The following PACSIN2 variants were observed in gnomAD, a reference collection of about 807,000 sequenced individuals.
PACSIN2 encodes the protein protein kinase C and casein kinase substrate in neurons protein 2.
Under a neutral mutation model 63.8 loss-of-function variants are expected in PACSIN2, and 25 were observed. The ratio of observed to expected loss-of-function variants is 0.39; its 90% CI spans 0.29 to 0.55. The LOEUF is 0.55. PACSIN2 is among the 20% of genes least tolerant of loss of function. The pLI is 0.62. For missense variants in PACSIN2, 518 were observed against 646.9 expected, an observed-to-expected ratio of 0.80 and a Z score of 2.16; for synonymous variants, 255 against 256.2, an observed-to-expected ratio of 1.00 and a Z score of 0.05.
At chr22:42,995,858 G>A (rs915161514) in intron 1 of PACSIN2, among the ~76,000 whole-genome samples, 1 of 152,182 alleles carries the variant, frequency 6.6e-6, no homozygotes, top group African/African-American at 2.4e-5. Context: ...GAAGCCAGGA[G>A]TTCAAGACCA....
chr22:42,940,117 C>CTG (rs1933086449), intron 1 of PACSIN2, among the ~76,000 whole-genome samples: 1 of 152,230 alleles, frequency 6.6e-6, no homozygotes, highest in Non-Finnish European at 1.5e-5. Context: ...ACAATGCTTG[C>CTG]TATCAGCTCC....
chr22:42,960,445 G>C (rs959774106), intron 1 of PACSIN2, among the ~76,000 whole-genome samples: 27 of 152,270 alleles, frequency 1.8e-4, no homozygotes, highest in African/African-American at 6.3e-4. Flanking sequence ...GTGACCCCAT[G>C]GTCTCTCAGC....
chr22:42,911,245 G>C (rs1931435420), intron 2 of PACSIN2, among the ~76,000 whole-genome samples: 2 of 151,758 alleles, frequency 1.3e-5, no homozygotes, highest in Non-Finnish European at 2.9e-5. Flanking sequence ...AGCTCCAGGG[G>C]TTTTGCCACA....
chr22:42,893,444 CG>C lies in PACSIN2; in HGVS notation c.217+12del. The C allele has an allele frequency of 6.2e-7, 1 of 1,609,480 alleles. No homozygotes were observed. The highest frequency in any genetic ancestry group is 8.5e-7 in the Non-Finnish European group (1 of 1,179,804). On this transcript the variant is annotated intron_variant, in intron 3 of 10. Transcript: ENST00000263246. ...TGCCTCCAGGCCACAGGACCTGTGC[CG>C]GGGCCCCATACCTTTCTCCACGAGC...
chr22:42,927,572 TTTAG>T lies in PACSIN2; in HGVS notation c.-77-15419_-77-15416del, dbSNP rs530906386. On this transcript the variant is annotated intron_variant, in intron 1 of 10. Coordinates refer to ENST00000263246, the MANE Select transcript of PACSIN2 (RefSeq NM_001184970.3). ...CCCCAGTCTTTTATTTATTTATTTATTTAGTTATTTAGTTATTTAGTTAGTTATT... is the reference window on the plus strand; with the variant it reads ...CCCCAGTCTTTTATTTATTTATTTATTTATTTAGTTATTTAGTTAGTTATT... Among the ~76,000 whole-genome samples the T allele has an allele frequency of 2.0e-3, 293 of 149,540 alleles. 1 individual carries two copies. The highest frequency in any genetic ancestry group is 3.5e-3 in the Middle Eastern group (1 of 286).
chr22:42,888,845 G>A (rs1929688530), intron 4 of PACSIN2, 47 bp from the exon 5 acceptor site: 1 of 1,593,822 alleles, frequency 6.3e-7, no homozygotes, highest in Non-Finnish European at 8.6e-7. Context: ...GGGAGTTCAG[G>A]ATCCTCACTA....
At chr22:42,934,022 T>TA (rs1202410390) in intron 1 of PACSIN2, among the ~76,000 whole-genome samples, 1 of 152,220 alleles carries the variant, frequency 6.6e-6, no homozygotes, top group Non-Finnish European at 1.5e-5. Flanking sequence ...CTCAAATACT[T>TA]ACAAGAACAG....
chr22:42,935,665 G>A (rs545928575), intron 1 of PACSIN2, among the ~76,000 whole-genome samples: 1 of 152,196 alleles, frequency 6.6e-6, no homozygotes, highest in Admixed American at 6.5e-5. Flanking sequence ...TACTGGCTTC[G>A]AGGAAAAAGT....
chr22:42,919,533 G>A (rs887206665), intron 1 of PACSIN2, among the ~76,000 whole-genome samples: 1 of 152,052 alleles, frequency 6.6e-6, no homozygotes, highest in Admixed American at 6.5e-5. Context: ...CCAGCACTTC[G>A]GGAGGCTGAG....
At chr22:42,947,671 G>A (rs561790789) in intron 1 of PACSIN2, among the ~76,000 whole-genome samples, 8 of 142,018 alleles carry the variant, frequency 5.6e-5, no homozygotes, top group Middle Eastern at 3.6e-3. Context: ...AAGACCCCTG[G>A]GGGTGGGGGG....
Position 42,876,894 on chromosome 22 carries a change from G to A in PACSIN2, c.1145C>T (p.Ala382Val). The part of the protein sequence containing the change: ...STVSEKDDTK[A>V]KNVSSYEKTQ... ...GAAGCATTTGTTCACCAACTTTTTG[G>A]CCTTAGTGTCGTCCTTCTCACTGAC... The change falls in exon 9 of 11, where the codon GCC becomes GTC. Residue 382 changes from alanine to valine, a missense_variant. This residue lies in a region of PACSIN2 where 507 missense variants were observed against 612.3 expected (regional missense o/e 0.83). Coordinates refer to ENST00000263246, the MANE Select transcript of PACSIN2 (RefSeq NM_001184970.3). 1 of 1,614,178 alleles carries A rather than the reference G, an allele frequency of 6.2e-7. No individual in the cohort carries two copies. The highest frequency in any genetic ancestry group is 8.5e-7 in the Non-Finnish European group (1 of 1,180,030).
At chr22:42,929,505 G>A (rs530378549) in intron 1 of PACSIN2, among the ~76,000 whole-genome samples, 12 of 152,318 alleles carry the variant, frequency 7.9e-5, no homozygotes, top group East Asian at 1.9e-4. Flanking sequence ...TGGGAGTGGC[G>A]TGCCTACGAA....
chr22:42,916,408 T>C (rs1337311849), intron 1 of PACSIN2, among the ~76,000 whole-genome samples: 1 of 898 alleles, frequency 1.1e-3, no homozygotes, highest in Admixed American at 0.013. Flanking sequence ...GGGGTGGGGG[T>C]GGGGATGGGG....
intron 1 of PACSIN2, among the ~76,000 whole-genome samples, chr22:42,925,245 CGAGGCTGGCGGATCACTTGAGGTCAG>C (rs1401475279): frequency 6.6e-6 from 1 of 151,916 alleles, no homozygotes; most frequent in Non-Finnish European, 1.5e-5. Flanking sequence ...TTTGGGCGGC[CGAGGCTGGCGGATCACTTGAGGTCAG>C]GAGTTTAAGA....
chr22:43,012,006 G>A (rs552719594), intron 1 of PACSIN2, among the ~76,000 whole-genome samples: 85 of 152,216 alleles, frequency 5.6e-4, no homozygotes, highest in Non-Finnish European at 6.6e-4. Context: ...TTAGCCAGGC[G>A]TGGTGGTGGA....
intron 1 of PACSIN2, among the ~76,000 whole-genome samples, chr22:42,948,224 G>C (rs1296703977): frequency 6.6e-6 from 1 of 152,138 alleles, no homozygotes; most frequent in Non-Finnish European, 1.5e-5. Context: ...GGAGGGGAGA[G>C]GGGACTGACA....
chr22:42,971,957 G>A (rs1048221161), intron 1 of PACSIN2, among the ~76,000 whole-genome samples: 55 of 151,790 alleles, frequency 3.6e-4, no homozygotes, highest in African/African-American at 5.8e-4. Flanking sequence ...CGGCCGCCCC[G>A]TCTGGGAGGT....
chr22:42,957,531 G>C (rs1009383796), intron 1 of PACSIN2, among the ~76,000 whole-genome samples: 1 of 152,186 alleles, frequency 6.6e-6, no homozygotes, highest in Non-Finnish European at 1.5e-5. Context: ...CTGAATTTCA[G>C]AGGATTCAAA....
chr22:42,909,701 T>C lies in PACSIN2; in HGVS notation c.60+2320A>G, dbSNP rs1035325057. On this transcript the variant is annotated intron_variant, in intron 2 of 10. Transcript: ENST00000263246. ...ACAGGGAGCATAAGAGCTTAATTACTGGACTTGTTAAAGCTAGTTGATTTA... is the reference window on the plus strand; with the variant it reads ...ACAGGGAGCATAAGAGCTTAATTACCGGACTTGTTAAAGCTAGTTGATTTA... The C allele has an allele frequency of 4.4e-5, 18 of 409,580 alleles. No individual in the cohort carries two copies. In the East Asian group the frequency reaches 1.1e-3, roughly 26 times the overall value. 25.4% of individuals were successfully genotyped at this position (409,580 alleles called of 1,614,324 possible). A position where few individuals can be genotyped will look rare whatever the true frequency, so the allele number is the denominator to read the frequency against.
Sources: gnomAD v4.1 joint callset for allele counts (sites outside exome capture counted in the v4.1 genomes callset) on GRCh38, gnomAD v4.1.1 for gene constraint, gnomAD v4.1.1 regional missense constraint, MANE v1.5 for transcripts, NCBI Gene and HGNC (gene_info 2026-07-23, HGNC 2026-07-21) for gene names.